The following TMED3 variants were observed in gnomAD, a reference collection of about 807,000 sequenced individuals.
TMED3 encodes transmembrane p24 trafficking protein 3.
A neutral mutation model predicts 15.0 loss-of-function variants in TMED3; 9 were observed. The observed-to-expected ratio is 0.60, with a 90% CI of 0.36 to 1.04. The LOEUF (loss-of-function observed/expected upper bound fraction) is 1.04, where lower values mean the gene tolerates loss of function less well. TMED3 is among the 50% of genes least tolerant of loss of function. TMED3 has a pLI of 0.01. For missense variants in TMED3, 267 were observed against 278.9 expected (o/e 0.96, Z 0.30); for synonymous variants, 117 against 121.4 (o/e 0.96, Z 0.24).
In TMED3 at chr15:79,328,798, G is replaced by C. The variant is rs1342856720; in HGVS notation, c.417+14793G>C. On this transcript the variant is annotated intron_variant, in intron 2 of 2. Transcript: ENST00000424155. ...AGGGGTCTGTGGAGAGGGGTGGGAG[G>C]ACACTGTAGCCTGGGGGCAGAGGCC... 2.0e-5 allele frequency among the ~76,000 whole-genome samples: 3 copies of C among 152,170 alleles called. No individual in the cohort carries two copies. In the South Asian group the frequency reaches 6.2e-4, roughly 32 times the overall value.
chr15:79,408,561 G>A (rs1458800998), intron 2 of TMED3, among the ~76,000 whole-genome samples: 1 of 152,226 alleles, frequency 6.6e-6, no homozygotes, highest in Admixed American at 6.5e-5. Flanking sequence ...CTAAATGTGA[G>A]TGAGAGGAGG....
intron 2 of TMED3, among the ~76,000 whole-genome samples, chr15:79,341,697 G>A (rs2058852317): frequency 6.6e-6 from 1 of 152,222 alleles, no homozygotes; most frequent in Non-Finnish European, 1.5e-5. Flanking sequence ...TGGAGTGTGG[G>A]CTCATCCCCA....
chr15:79,325,919 A>C (rs2058785758), downstream of TMED3, among the ~76,000 whole-genome samples: 1 of 152,152 alleles, frequency 6.6e-6, no homozygotes, highest in South Asian at 2.1e-4. Flanking sequence ...CAGCCGATTG[A>C]ATGGTGCCCA....
intron 2 of TMED3, among the ~76,000 whole-genome samples, chr15:79,358,098 G>A (rs939509893): frequency 6.6e-6 from 1 of 152,208 alleles, no homozygotes; most frequent in African/African-American, 2.4e-5. Context: ...GCCTGTTTAT[G>A]TCATGAGGGG....
chr15:79,383,070 C>A, intron 2 of TMED3: 1 of 1,492,570 alleles, frequency 6.7e-7, no homozygotes, highest in East Asian at 2.5e-5. Flanking sequence ...CCTGTGCATG[C>A]TCCACGGGAC....
downstream of TMED3, among the ~76,000 whole-genome samples, chr15:79,325,985 T>C (rs369360374): frequency 9.2e-5 from 14 of 152,076 alleles, no homozygotes; most frequent in Non-Finnish European, 1.8e-4. Context: ...CAAATGTTAA[T>C]CTCCTCTAGC....
At chr15:79,411,123 A>G (rs2141261278) in intron 2 of TMED3, among the ~76,000 whole-genome samples, 1 of 152,278 alleles carries the variant, frequency 6.6e-6, no homozygotes, top group Non-Finnish European at 1.5e-5. Flanking sequence ...ATATTAGGTA[A>G]CTCACCCGGG....
chr15:79,396,826 T>C (rs1893768729), intron 2 of TMED3, among the ~76,000 whole-genome samples: 1 of 152,230 alleles, frequency 6.6e-6, no homozygotes, highest in Non-Finnish European at 1.5e-5. Context: ...ATGTAAAATA[T>C]TTTATTCTTA....
intron 2 of TMED3, among the ~76,000 whole-genome samples, chr15:79,364,620 C>A (rs574614719): frequency 1.3e-5 from 2 of 151,900 alleles, no homozygotes; most frequent in Middle Eastern, 3.4e-3. Context: ...CAGGAGCAGA[C>A]AAGCAGATGA....
At chr15:79,324,823 G>T (rs1321542069), downstream of TMED3, among the ~76,000 whole-genome samples, 1 of 152,164 alleles carries the variant, frequency 6.6e-6, no homozygotes, top group Non-Finnish European at 1.5e-5. Flanking sequence ...AAGAGGACTG[G>T]GTTGGGGCTG....
At chr15:79,386,697 C>A (rs1893630762) in intron 2 of TMED3, among the ~76,000 whole-genome samples, 1 of 127,290 alleles carries the variant, frequency 7.9e-6, no homozygotes, top group Admixed American at 8.9e-5. Context: ...GGCCACCATG[C>A]CTGGCTATTT....
chr15:79,402,171 C>G (rs1595911792), intron 2 of TMED3, among the ~76,000 whole-genome samples: 1 of 152,130 alleles, frequency 6.6e-6, no homozygotes, highest in Non-Finnish European at 1.5e-5. Flanking sequence ...ATGGCTAAGG[C>G]TCAATTCTAA....
chr15:79,314,022 A>G lies in TMED3; in HGVS notation c.417+17A>G. 1.2e-6 allele frequency: 2 copies of G among 1,613,772 alleles called. No homozygotes were observed. Among genetic ancestry groups the G allele is most frequent in the Non-Finnish European group, 1.7e-6 (2 of 1,179,776 alleles). On this transcript the variant is annotated intron_variant, in intron 2 of 2. Transcript: ENST00000299705. Reference sequence around the variant, plus strand: ...CTCACCCAGGTGAGTGAACATTAGCAGTTCGGGGCTGCTGAACCCCCTAGC... The same window carrying G: ...CTCACCCAGGTGAGTGAACATTAGCGGTTCGGGGCTGCTGAACCCCCTAGC...
chr15:79,386,385 G>A (rs1893626744), intron 2 of TMED3, among the ~76,000 whole-genome samples: 1 of 151,986 alleles, frequency 6.6e-6, no homozygotes, highest in South Asian at 2.1e-4. Context: ...ACCTCACTAG[G>A]GCTTTGCAGC....
At chr15:79,401,477 G>A (rs1304227389) in intron 2 of TMED3, among the ~76,000 whole-genome samples, 2 of 152,216 alleles carry the variant, frequency 1.3e-5, no homozygotes, top group Admixed American at 1.3e-4. Flanking sequence ...ATTTGGCAAT[G>A]TCTGGAGACA....
chr15:79,396,822 A>C (rs1460983175), intron 2 of TMED3, among the ~76,000 whole-genome samples: 1 of 152,250 alleles, frequency 6.6e-6, no homozygotes, highest in Non-Finnish European at 1.5e-5. Context: ...AAGAATGTAA[A>C]ATATTTTATT....
At chr15:79,373,110 T>C (rs538062236) in intron 2 of TMED3, among the ~76,000 whole-genome samples, 1 of 152,368 alleles carries the variant, frequency 6.6e-6, no homozygotes, top group East Asian at 1.9e-4. Flanking sequence ...TTTATTTTTA[T>C]ACCTGCAAAC....
At chr15:79,325,443 G>A (rs556807021), downstream of TMED3, among the ~76,000 whole-genome samples, 5 of 152,238 alleles carry the variant, frequency 3.3e-5, no homozygotes, top group East Asian at 9.6e-4. Flanking sequence ...TAGTGGGGAG[G>A]TGATGTTTTC....
At chr15:79,328,287 G>A (rs1011063052) in intron 2 of TMED3, among the ~76,000 whole-genome samples, 2 of 151,982 alleles carry the variant, frequency 1.3e-5, no homozygotes, top group African/African-American at 2.4e-5. Context: ...CTGGCTTCTC[G>A]TATCACTTGC....
Sources: allele counts gnomAD v4.1 joint callset (sites outside exome capture counted in the v4.1 genomes callset), GRCh38; gene constraint gnomAD v4.1.1; transcripts MANE v1.5; gene names NCBI Gene and HGNC (gene_info 2026-07-23, HGNC 2026-07-21).